SMPX: variants seen among roughly 807,000 people sequenced by gnomAD.
The protein encoded by SMPX is small muscle protein X-linked, also known as small muscular protein.
A neutral mutation model predicts 6.3 loss-of-function variants in SMPX; 2 were observed. That is an observed-to-expected ratio of 0.32 (90% CI 0.13 to 0.99). The LOEUF (loss-of-function observed/expected upper bound fraction) is 0.99. Among genes scored for constraint, SMPX ranks in the 50% least tolerant of loss-of-function variants. The probability of loss-of-function intolerance (pLI) is 0.49; values close to 1 mark genes in which losing one functional copy is unlikely to be tolerated. For synonymous variants in SMPX, 32 were observed against 24.7 expected (o/e 1.30, Z -0.88); for missense variants, 60 against 66.8 (o/e 0.90, Z 0.36).
chrX:21,749,929 C>T (rs1165230743), intron 2 of SMPX, among the ~76,000 whole-genome samples: 1 of 111,627 alleles, frequency 9.0e-6, no homozygotes, highest in Non-Finnish European at 1.9e-5. Context: ...TTTTGGTCAG[C>T]CATGAAGTTC....
intron 4 of SMPX, among the ~76,000 whole-genome samples, chrX:21,707,447 C>T (rs2092774221): frequency 8.9e-6 from 1 of 112,034 alleles, no homozygotes; most frequent in Non-Finnish European, 1.9e-5. Flanking sequence ...AAGATAGCTT[C>T]TCCTGAAGGA....
chrX:21,756,605 T>C (rs748106412), intron 1 of SMPX, among the ~76,000 whole-genome samples: 1 of 112,891 alleles, frequency 8.9e-6, no homozygotes, highest in Non-Finnish European at 1.9e-5. Flanking sequence ...CAAAGCATAC[T>C]GATGAATAAA....
At chrX:21,719,796 G>A (rs760910993) in intron 4 of SMPX, among the ~76,000 whole-genome samples, 1 of 112,201 alleles carries the variant, frequency 8.9e-6, no homozygotes, top group African/African-American at 3.2e-5. Context: ...CTGTGCTTAT[G>A]TGCTGTCAGG....
At position 21,743,795 on chromosome X, in the gene SMPX, T is replaced by C. The variant is rs1405064258; in HGVS notation, c.87A>G (p.Ala29=). The C allele has an allele frequency of 5.0e-6, 6 of 1,207,907 alleles. No individual in the cohort carries two copies. The African/African-American group carries it at 1.1e-4, about 21-fold the overall frequency. The change falls in exon 3 of 5, where the codon GCA becomes GCG. Residue 29 remains alanine, a synonymous_variant. Transcript: ENST00000379494. ...NIPMGAFRPG[A]GQPPRRKECT... is the part of the protein sequence containing the mutation. ...ATTCTTTTCTTCTGGGGGGTTGACC[T>C]GCTCCTGGCCGAAAGGCTCCCATTG...
At chrX:21,711,621 C>T (rs966208229) in intron 4 of SMPX, among the ~76,000 whole-genome samples, 5 of 111,980 alleles carry the variant, frequency 4.5e-5, no homozygotes, top group South Asian at 3.8e-4. Flanking sequence ...GTGATGTTTA[C>T]GCCTTGCTGT....
intron 4 of SMPX, among the ~76,000 whole-genome samples, chrX:21,730,277 G>C (rs751270334): frequency 9.0e-6 from 1 of 111,467 alleles, no homozygotes; most frequent in Non-Finnish European, 1.9e-5. Context: ...TCTGGCAAAA[G>C]GAAAAGGTTA....
chrX:21,731,710 G>GTGTATATA (rs2092805128), intron 4 of SMPX, among the ~76,000 whole-genome samples: 1 of 101,282 alleles, frequency 9.9e-6, no homozygotes, highest in African/African-American at 3.7e-5. Flanking sequence ...ATGTGTATAT[G>GTGTATATA]TGTATATGTA....
chrX:21,721,881 G>A (rs1466524850), intron 4 of SMPX, among the ~76,000 whole-genome samples: 2 of 111,960 alleles, frequency 1.8e-5, no homozygotes, highest in Admixed American at 9.5e-5. Context: ...TGCCTATCAG[G>A]CTGGGTGCAG....
At chrX:21,722,495 A>G (rs1459265736) in intron 4 of SMPX, among the ~76,000 whole-genome samples, 1 of 112,355 alleles carries the variant, frequency 8.9e-6, no homozygotes, top group Admixed American at 9.4e-5. Context: ...CAAAAAGTTA[A>G]GAAAAAAAAC....
chrX:21,747,922 G>C (rs1423267590), intron 2 of SMPX, among the ~76,000 whole-genome samples: 2 of 111,594 alleles, frequency 1.8e-5, no homozygotes, highest in Admixed American at 9.5e-5. Flanking sequence ...TCTGTAGCAC[G>C]GGCAGAGGAA....
rs181623896 is a variant in SMPX at position 21,752,747 on chromosome X, A to G, written c.45+1499T>C. The stretch of plus-strand genomic sequence containing the variant: ...TTAGCCAGGATGGTCTCGATCTCCC[A>G]ACCTCGTGATCTGCCCATCTCAGCC... On this transcript the variant is annotated intron_variant, in intron 2 of 4. Transcript: ENST00000379494. 3.6e-5 allele frequency among the ~76,000 whole-genome samples: 4 copies of G among 111,176 alleles called. No homozygotes were observed. In the Admixed American group the frequency reaches 3.8e-4, roughly 11 times the overall value.
chrX:21,738,259 C>A lies in SMPX; in HGVS notation c.133-562G>T, dbSNP rs756927605. Among the ~76,000 whole-genome samples, 4 of 111,413 alleles carry A rather than the reference C, an allele frequency of 3.6e-5. No individual in the cohort carries two copies. The East Asian group carries it at 8.4e-4, about 23-fold the overall frequency. On this transcript the variant is annotated intron_variant, in intron 3 of 4. Coordinates refer to ENST00000379494, the MANE Select transcript of SMPX (RefSeq NM_014332.3). ...TTTTGTTGCAACTTTAGGGCAGGACCCACATCCTATCCTTTCTTGTGGCAT... is the reference window on the plus strand; with the variant it reads ...TTTTGTTGCAACTTTAGGGCAGGACACACATCCTATCCTTTCTTGTGGCAT...
rs750503226 is a variant in SMPX, at chrX:21,706,802, A to T, written c.*15-408T>A. ...TTCTCATGATAGTGAGTGAGTTCTC[A>T]TGAGATCTCATGATTTTATAATGGC... On this transcript the variant is annotated intron_variant, in intron 4 of 4. Transcript: ENST00000379494. 8.2e-5 allele frequency among the ~76,000 whole-genome samples: 9 copies of T among 109,954 alleles called. No individual in the cohort carries two copies. The South Asian group carries it at 3.2e-3, about 39-fold the overall frequency.
intron 4 of SMPX, among the ~76,000 whole-genome samples, chrX:21,725,010 G>C (rs2092795454): frequency 8.9e-6 from 1 of 112,208 alleles, no homozygotes; most frequent in African/African-American, 3.2e-5. Context: ...TTTCCTCATT[G>C]CCTGGCCTGT....
chrX:21,752,719 G>A (rs1472668058), intron 2 of SMPX, among the ~76,000 whole-genome samples: 4 of 110,757 alleles, frequency 3.6e-5, no homozygotes, highest in Non-Finnish European at 5.7e-5. Flanking sequence ...GGGTTTCACC[G>A]TGTTAGCCAG....
intron 4 of SMPX, among the ~76,000 whole-genome samples, chrX:21,719,950 G>C (rs2092789859): frequency 8.9e-6 from 1 of 112,023 alleles, no homozygotes; most frequent in South Asian, 3.7e-4. Flanking sequence ...TGAAAGAAAA[G>C]CAAATACTGA....
At chrX:21,723,668 C>T (rs921118679) in intron 4 of SMPX, among the ~76,000 whole-genome samples, 10 of 111,990 alleles carry the variant, frequency 8.9e-5, no homozygotes, top group African/African-American at 1.9e-4. Flanking sequence ...GGCACTGTGA[C>T]CCCAGTTCGC....
At chrX:21,757,717 T>G (rs957873943) in intron 1 of SMPX, among the ~76,000 whole-genome samples, 1 of 111,559 alleles carries the variant, frequency 9.0e-6, no homozygotes, top group African/African-American at 3.3e-5. Context: ...CCACTATCGA[T>G]GAAAACTGCC....
intron 4 of SMPX, among the ~76,000 whole-genome samples, chrX:21,736,957 T>C (rs1403299093): frequency 4.5e-5 from 5 of 110,920 alleles, no homozygotes; most frequent in Non-Finnish European, 9.5e-5. Context: ...AAAAATAAGG[T>C]CACAAGCCCT....
Sources: gnomAD v4.1 joint callset for allele counts (sites outside exome capture counted in the v4.1 genomes callset) on GRCh38, gnomAD v4.1.1 for gene constraint, MANE v1.5 for transcripts, NCBI Gene and HGNC (gene_info 2026-07-23, HGNC 2026-07-21) for gene names.